SLC7A13: variants seen among roughly 807,000 people sequenced by gnomAD.
SLC7A13 encodes X-amino acid transporter 2.
In SLC7A13, 31 loss-of-function variants were observed where a neutral mutation model predicts 32.0. The observed-to-expected ratio is 0.97, with a 90% CI of 0.73 to 1.31. The LOEUF (loss-of-function observed/expected upper bound fraction) is 1.31, where lower values mean the gene tolerates loss of function less well. Ranked by LOEUF, SLC7A13 falls within the 50% of genes most tolerant of loss-of-function variation. SLC7A13 has a pLI of 0.00. For missense variants in SLC7A13, 633 were observed against 546.9 expected (o/e 1.16, Z -1.57); for synonymous variants, 232 against 206.9 (o/e 1.12, Z -1.04).
chr8:86,225,951 T>C (rs16900792), intron 1 of SLC7A13, among the ~76,000 whole-genome samples: 20,143 of 152,102 alleles, frequency 0.13, 1,810 homozygotes, highest in East Asian at 0.33. Flanking sequence ...TGGGTATTCC[T>C]ACACCTTGCA....
intron 2 of SLC7A13, among the ~76,000 whole-genome samples, chr8:86,219,514 T>G (rs1449620185): frequency 6.6e-6 from 1 of 152,156 alleles, no homozygotes; most frequent in Non-Finnish European, 1.5e-5. Context: ...GAAAAGTAAA[T>G]GTCCCTCTCC....
chr8:86,228,460 A>C (rs1820425489), intron 1 of SLC7A13, among the ~76,000 whole-genome samples: 1 of 152,098 alleles, frequency 6.6e-6, no homozygotes, highest in Admixed American at 6.5e-5. Context: ...CTGCAGCCTC[A>C]AACTCCTGGG....
At chr8:86,225,094 C>T (rs548687728) in intron 1 of SLC7A13, among the ~76,000 whole-genome samples, 1 of 152,116 alleles carries the variant, frequency 6.6e-6, no homozygotes, top group African/African-American at 2.4e-5. Context: ...TAGCATTATC[C>T]TTCCAGTAAG....
intron 1 of SLC7A13, among the ~76,000 whole-genome samples, chr8:86,226,073 AC>A (rs1820385264): frequency 1.3e-5 from 2 of 152,074 alleles, no homozygotes; most frequent in Non-Finnish European, 2.9e-5. Context: ...AATTCCTCCA[AC>A]TTTTGTTCAC....
At position 86,214,225 on chromosome 8, in the gene SLC7A13, T is replaced by C. The variant is rs929979398; in HGVS notation, c.*188A>G. 15 of 467,176 alleles carry C rather than the reference T, an allele frequency of 3.2e-5. No homozygotes were observed. Among genetic ancestry groups the C allele is most frequent in the African/African-American group, 2.9e-4 (15 of 50,958 alleles). 28.9% of individuals were successfully genotyped at this position (467,176 alleles called of 1,614,324 possible). On this transcript the variant is annotated 3_prime_UTR_variant, in exon 4 of 4. Coordinates refer to ENST00000297524, the MANE Select transcript of SLC7A13 (RefSeq NM_138817.3). ...CCATGCGAAGCAGAGCTTTTAGCAA[T>C]TTCTTAGTGACTCTGAAGCCAGGTA...
At chr8:86,227,795 A>T (rs561927948) in intron 1 of SLC7A13, among the ~76,000 whole-genome samples, 9 of 152,296 alleles carry the variant, frequency 5.9e-5, no homozygotes, top group African/African-American at 2.2e-4. Flanking sequence ...AGCAATGTGG[A>T]TGCAACTAGA....
intron 1 of SLC7A13, 25 bp from the exon 2 acceptor site, chr8:86,223,128 C>A (rs1202962221): frequency 2.6e-6 from 4 of 1,534,696 alleles, no homozygotes; most frequent in Non-Finnish European, 3.5e-6. Context: ...AGGACACAAC[C>A]ATAATTGGTA....
intron 2 of SLC7A13, among the ~76,000 whole-genome samples, chr8:86,222,354 AT>A (rs1048879806): frequency 3.3e-5 from 5 of 151,704 alleles, no homozygotes; most frequent in African/African-American, 9.7e-5. Context: ...TCTGTTACTC[AT>A]TTTTCAATGT....
Position 86,218,752 on chromosome 8 carries a change from G to T in SLC7A13, c.818-921C>A, listed in dbSNP as rs116186515. On this transcript the variant is annotated intron_variant, in intron 2 of 3. Transcript: ENST00000297524. Reference sequence around the variant, plus strand: ...ACAACTGTGAAGAAAAGCATCCATTGTTTGTGAGAACCCACTTGATTCAGT... The same window carrying T: ...ACAACTGTGAAGAAAAGCATCCATTTTTTGTGAGAACCCACTTGATTCAGT... 3.3e-3 allele frequency among the ~76,000 whole-genome samples: 507 copies of T among 151,520 alleles called. 4 individuals carry two copies. The highest frequency in any genetic ancestry group is 0.011 in the African/African-American group (471 of 41,252).
intron 3 of SLC7A13, 129 bp from the exon 4 acceptor site, chr8:86,214,775 G>T: frequency 1.5e-6 from 1 of 683,588 alleles, no homozygotes; most frequent in Non-Finnish European, 2.4e-6. Flanking sequence ...CTGTAAAGTT[G>T]AATAAATCTG....
rs980070427 is a variant in SLC7A13, at chr8:86,230,212, CA to C, written c.65del (p.Leu22CysfsTer23). 4 of 1,612,340 alleles carry C rather than the reference CA, an allele frequency of 2.5e-6. No homozygotes were observed. Among genetic ancestry groups the C allele is most frequent in the East Asian group, 2.2e-5 (1 of 44,866 alleles). ...VFGYWWGTSF[L>X]LINIIGAGIF... Reference sequence around the variant, plus strand: ...TTCCTGCACCAATGATATTAATAAGCAAAAAACTTGTGCCCCACCAATATCC... The same window carrying C: ...TTCCTGCACCAATGATATTAATAAGCAAAAACTTGTGCCCCACCAATATCC... On this transcript the variant is annotated frameshift_variant, in exon 1 of 4. Transcript: ENST00000297524. LOFTEE classifies it high-confidence loss of function.
intron 1 of SLC7A13, among the ~76,000 whole-genome samples, chr8:86,224,950 A>C (rs1820364943): frequency 6.6e-6 from 1 of 151,518 alleles, no homozygotes; most frequent in African/African-American, 2.4e-5. Flanking sequence ...ACTGGTCTTG[A>C]ACTCCTGGCC....
chr8:86,222,150 A>T (rs1820307569), intron 2 of SLC7A13, among the ~76,000 whole-genome samples: 1 of 152,134 alleles, frequency 6.6e-6, no homozygotes, highest in Admixed American at 6.6e-5. Context: ...ATTTTATATC[A>T]AAATCTCCCT....
intron 3 of SLC7A13, among the ~76,000 whole-genome samples, chr8:86,216,054 A>T (rs1264975588): frequency 2.6e-5 from 4 of 152,076 alleles, no homozygotes; most frequent in Non-Finnish European, 5.9e-5. Context: ...AACAAGACTA[A>T]ACTCAGCTAC....
intron 1 of SLC7A13, among the ~76,000 whole-genome samples, chr8:86,227,178 T>C (rs982158385): frequency 2.0e-5 from 3 of 152,204 alleles, no homozygotes; most frequent in African/African-American, 4.8e-5. Context: ...GTTTTAAAAA[T>C]AGTCTTTGAA....
chr8:86,216,727 A>T (rs981605076), intron 3 of SLC7A13, among the ~76,000 whole-genome samples: 7 of 152,194 alleles, frequency 4.6e-5, no homozygotes, highest in Non-Finnish European at 8.8e-5. Context: ...TGTGAGCTTG[A>T]GCAAGTGACC....
At chr8:86,222,174 A>G (rs139196070) in intron 2 of SLC7A13, among the ~76,000 whole-genome samples, 8 of 152,264 alleles carry the variant, frequency 5.3e-5, no homozygotes, top group Non-Finnish European at 7.4e-5. Flanking sequence ...GTTTGCGTCC[A>G]TGCCTCAAAG....
At chr8:86,216,397 C>T (rs1265135121) in intron 3 of SLC7A13, among the ~76,000 whole-genome samples, 1 of 152,174 alleles carries the variant, frequency 6.6e-6, no homozygotes, top group Non-Finnish European at 1.5e-5. Context: ...TTTTGGTTTA[C>T]ATGACTGTCC....
At chr8:86,223,803 A>ACC (rs1409091962) in intron 1 of SLC7A13, among the ~76,000 whole-genome samples, 1 of 151,822 alleles carries the variant, frequency 6.6e-6, no homozygotes, top group Non-Finnish European at 1.5e-5. Flanking sequence ...GCACACACAC[A>ACC]CACACACACA....
Sources: allele counts gnomAD v4.1 joint callset (sites outside exome capture counted in the v4.1 genomes callset), GRCh38; gene constraint gnomAD v4.1.1; transcripts MANE v1.5; gene names NCBI Gene and HGNC (gene_info 2026-07-23, HGNC 2026-07-21).